Variants in ASCC3 observed in about 807,000 individuals in gnomAD.
ASCC3 encodes the protein activating signal cointegrator 1 complex subunit 3.
In ASCC3, 158 loss-of-function variants were observed where a neutral mutation model predicts 256.3. The ratio of observed to expected loss-of-function variants is 0.62; its 90% CI spans 0.54 to 0.70. ASCC3 has a LOEUF of 0.70. ASCC3 is among the 30% of genes least tolerant of loss of function. The pLI is 0.00. For synonymous variants in ASCC3, 948 were observed against 883.4 expected (o/e 1.07, Z -1.30); for missense variants, 2,259 against 2,626.0 (o/e 0.86, Z 3.05).
intron 11 of ASCC3, among the ~76,000 whole-genome samples, chr6:100,723,902 A>ATATATATATAT (rs1233478212): frequency 1.7e-4 from 22 of 126,718 alleles, no homozygotes; most frequent in Admixed American, 9.0e-4. Flanking sequence ...ATATATTTAT[A>ATATATATATAT]ATTATATATA....
intron 34 of ASCC3, among the ~76,000 whole-genome samples, chr6:100,590,664 C>A (rs1488210294): frequency 6.6e-6 from 1 of 151,934 alleles, no homozygotes; most frequent in Non-Finnish European, 1.5e-5. Context: ...TCCCTAAGAC[C>A]CCATCATGAT....
chr6:100,748,627 T>C (rs1165204977), intron 10 of ASCC3, among the ~76,000 whole-genome samples: 1 of 152,002 alleles, frequency 6.6e-6, no homozygotes, highest in African/African-American at 2.4e-5. Context: ...AAGCACCACA[T>C]CTTTCACACA....
chr6:100,660,341 C>A (rs1486315126), intron 16 of ASCC3, among the ~76,000 whole-genome samples: 1 of 151,572 alleles, frequency 6.6e-6, no homozygotes, highest in African/African-American at 2.4e-5. Context: ...ACGTGAAGCA[C>A]TGAGCAGAGT....
chr6:100,533,138 T>C (rs1395163639), intron 37 of ASCC3, among the ~76,000 whole-genome samples: 2 of 152,108 alleles, frequency 1.3e-5, no homozygotes, highest in Non-Finnish European at 2.9e-5. Context: ...CAATATAAAG[T>C]GTTTTCTTCA....
chr6:100,612,081 T>G (rs546182123), intron 30 of ASCC3, among the ~76,000 whole-genome samples: 2 of 152,126 alleles, frequency 1.3e-5, no homozygotes, highest in East Asian at 3.9e-4. Flanking sequence ...ATCTTTTTCT[T>G]AAGGTTGGGG....
At chr6:100,800,911 C>A (rs1433763015) in intron 5 of ASCC3, among the ~76,000 whole-genome samples, 1 of 151,754 alleles carries the variant, frequency 6.6e-6, no homozygotes, top group Non-Finnish European at 1.5e-5. Context: ...CCCTATTAGA[C>A]ATAAATTTTT....
chr6:100,802,935 A>G (rs1311358986), intron 5 of ASCC3, among the ~76,000 whole-genome samples: 1 of 151,974 alleles, frequency 6.6e-6, no homozygotes, highest in African/African-American at 2.4e-5. Flanking sequence ...TTGAGCACAG[A>G]AAGTTGAGGC....
intron 38 of ASCC3, among the ~76,000 whole-genome samples, chr6:100,516,676 A>G (rs931408735): frequency 1.3e-5 from 2 of 152,150 alleles, no homozygotes; most frequent in African/African-American, 4.8e-5. Flanking sequence ...AGTGTAGCAA[A>G]TGTCTTTAAT....
rs148861087 is a variant in ASCC3 at position 100,772,693 on chromosome 6, C to T, written c.1396-5348G>A. On this transcript the variant is annotated intron_variant, in intron 8 of 41. Transcript: ENST00000369162. The stretch of plus-strand genomic sequence containing the variant: ...TCACCAATTTCTCCTGATCACTTAG[C>T]CTCGGAAGGACAGTACAGCACATTT... 1.1e-4 allele frequency among the ~76,000 whole-genome samples: 16 copies of T among 152,278 alleles called. No individual in the cohort carries two copies. In the East Asian group the frequency reaches 3.1e-3, roughly 29 times the overall value.
intron 23 of ASCC3, 86 bp downstream of exon 23, chr6:100,643,945 A>G (rs1775254753): frequency 1.1e-6 from 1 of 905,074 alleles, no homozygotes; most frequent in Admixed American, 2.2e-5. Context: ...TTGTACTATA[A>G]AATTACAGAG....
At chr6:100,609,198 AT>A (rs1156869306) in intron 30 of ASCC3, among the ~76,000 whole-genome samples, 1 of 151,882 alleles carries the variant, frequency 6.6e-6, no homozygotes, top group Non-Finnish European at 1.5e-5. Context: ...ATACATACAT[AT>A]TTCCCCATTT....
At chr6:100,811,927 G>A (rs1485558750) in intron 4 of ASCC3, among the ~76,000 whole-genome samples, 1 of 152,100 alleles carries the variant, frequency 6.6e-6, no homozygotes, top group Non-Finnish European at 1.5e-5. Flanking sequence ...AGAAATTTAT[G>A]TCCCCACAAA....
intron 10 of ASCC3, among the ~76,000 whole-genome samples, chr6:100,731,478 T>G (rs6909880): frequency 0.47 from 71,284 of 152,074 alleles, 16,867 homozygotes; most frequent in South Asian, 0.6. Context: ...CATAAAGCCC[T>G]TGTTCATCAC....
chr6:100,774,167 AT>A (rs1782067415), intron 8 of ASCC3, among the ~76,000 whole-genome samples: 1 of 152,130 alleles, frequency 6.6e-6, no homozygotes, highest in South Asian at 2.1e-4. Flanking sequence ...GGTTTTGCTG[AT>A]GATTTCTGAG....
intron 30 of ASCC3, among the ~76,000 whole-genome samples, chr6:100,609,319 A>G (rs1773270922): frequency 6.6e-6 from 1 of 151,860 alleles, no homozygotes; most frequent in Non-Finnish European, 1.5e-5. Flanking sequence ...TAAATAATTA[A>G]CCAATTATTC....
rs137901865 is a variant in ASCC3 at position 100,762,349 on chromosome 6, C to T, written c.1737+4216G>A. Among the ~76,000 whole-genome samples, 549 of 152,300 alleles carry T rather than the reference C, an allele frequency of 3.6e-3. 6 individuals are homozygous for T. The highest frequency in any genetic ancestry group is 0.013 in the African/African-American group (525 of 41,564). On this transcript the variant is annotated intron_variant, in intron 10 of 41. Transcript: ENST00000369162. ...TGCCAGGACAGGAGAAATCTCTAAC[C>T]AGTGTTTTCACTGATGTTCAAAGGA... is the stretch of plus-strand genomic sequence containing the variant.
chr6:100,561,415 T>C (rs1332280915), intron 36 of ASCC3, among the ~76,000 whole-genome samples: 1 of 152,128 alleles, frequency 6.6e-6, no homozygotes, highest in Non-Finnish European at 1.5e-5. Context: ...TTAACAAAAA[T>C]ATTTTAAATA....
Position 100,607,025 on chromosome 6 carries a change from C to T in ASCC3, c.4849G>A (p.Gly1617Arg). Residue 1617 changes from glycine (G) to arginine (R), a missense_variant, in exon 31 of 42, where the codon GGA becomes AGA. This residue lies in a region of ASCC3 where 1,839 missense variants were observed against 2,206.7 expected (regional missense o/e 0.83). Coordinates refer to ENST00000369162, the MANE Select transcript of ASCC3 (RefSeq NM_006828.4). ...NLKLTLAFGI[G>R]MHHAGLHERD... ...TCATGTAGTCCAGCATGATGCATTC[C>T]TATCCCGAAAGCAAGGGTCAGCTTG... is the stretch of plus-strand genomic sequence containing the variant. 6.2e-7 allele frequency: 1 copy of T among 1,613,658 alleles called. No individual in the cohort carries two copies. Among genetic ancestry groups the T allele is most frequent in the Non-Finnish European group, 8.5e-7 (1 of 1,179,770 alleles).
At chr6:100,722,619 A>G (rs181449014) in intron 11 of ASCC3, among the ~76,000 whole-genome samples, 3 of 151,892 alleles carry the variant, frequency 2.0e-5, no homozygotes, top group African/African-American at 7.2e-5. Flanking sequence ...TACATGTGTA[A>G]GTGTTTAATA....
Sources: gnomAD v4.1 joint callset for allele counts (sites outside exome capture counted in the v4.1 genomes callset) on GRCh38, gnomAD v4.1.1 for gene constraint, gnomAD v4.1.1 regional missense constraint, MANE v1.5 for transcripts, NCBI Gene and HGNC (gene_info 2026-07-23, HGNC 2026-07-21) for gene names.